The following TSFM variants were observed in gnomAD, a reference collection of about 807,000 sequenced individuals.
TSFM encodes elongation factor Ts, mitochondrial.
A neutral mutation model predicts 33.4 loss-of-function variants in TSFM; 29 were observed. The observed-to-expected ratio is 0.87, with a 90% CI of 0.65 to 1.18. The LOEUF (loss-of-function observed/expected upper bound fraction) is 1.18, where lower values mean the gene tolerates loss of function less well. Ranked by LOEUF, TSFM falls within the 50% of genes most tolerant of loss-of-function variation. The pLI is 0.00. For missense variants in TSFM, 394 were observed against 395.6 expected (o/e 1.00, Z 0.04); for synonymous variants, 178 against 163.5 (o/e 1.09, Z -0.68).
chr12:57,792,259 C>T (rs947370944), intron 4 of TSFM, among the ~76,000 whole-genome samples: 2 of 133,988 alleles, frequency 1.5e-5, no homozygotes. Context: ...AAAGAAAAAA[C>T]TGTTCTTGGC....
chr12:57,794,075 A>T (rs1955699345), intron 5 of TSFM, among the ~76,000 whole-genome samples: 1 of 152,188 alleles, frequency 6.6e-6, no homozygotes, highest in Non-Finnish European at 1.5e-5. Context: ...CAGTCAAGGC[A>T]TCAGTTCCGT....
intron 5 of TSFM, among the ~76,000 whole-genome samples, chr12:57,793,507 C>G (rs1457698408): frequency 1.3e-5 from 2 of 152,226 alleles, no homozygotes; most frequent in Non-Finnish European, 2.9e-5. Flanking sequence ...CAGGCGTGAG[C>G]CACCGCGCCC....
rs776948504 is a variant in TSFM, at chr12:57,782,865, A to G, written c.57+7A>G. 9.4e-6 allele frequency: 15 copies of G among 1,591,262 alleles called. No homozygotes were observed. In the South Asian group the frequency reaches 1.7e-4, roughly 18 times the overall value. ...GCGGACCGGGAGCTACCCGGTGAGA[A>G]GTCCTGGTGCTGGTACCGACCTGCT... On this transcript the variant is annotated splice_region_variant and intron_variant, in intron 1 of 5. Transcript: ENST00000652027.
chr12:57,797,998 AAG>A, downstream of TSFM: 11 of 1,590,578 alleles, frequency 6.9e-6, no homozygotes, highest in Non-Finnish European at 9.4e-6. Flanking sequence ...AGGTAATTCT[AAG>A]AGAGAAAACA....
intron 2 of TSFM, among the ~76,000 whole-genome samples, chr12:57,785,164 G>C (rs1296591368): frequency 6.6e-6 from 1 of 152,038 alleles, no homozygotes; most frequent in Non-Finnish European, 1.5e-5. Context: ...CTGACCTTGT[G>C]ATCCGCCCAC....
intron 4 of TSFM, among the ~76,000 whole-genome samples, chr12:57,790,850 G>A (rs1191764422): frequency 1.3e-5 from 2 of 151,226 alleles, no homozygotes; most frequent in East Asian, 3.9e-4. Context: ...CAGCACTTCG[G>A]GGTTTTTTGT....
intron 3 of TSFM, 126 bp downstream of exon 3, chr12:57,786,417 T>A: frequency 8.2e-7 from 1 of 1,220,536 alleles, no homozygotes. Context: ...GTAGTTGAAG[T>A]TAAACTCATG....
In TSFM at chr12:57,792,750, G is replaced by A. The variant is rs117470861; in HGVS notation, c.484-236G>A. On this transcript the variant is annotated intron_variant, in intron 4 of 5. Transcript: ENST00000652027. Reference sequence around the variant, plus strand: ...TGGGATTACAGGCGTGTGCCACCATGCCCAACTAATTTTTGTATTTCGTTG... The same window carrying A: ...TGGGATTACAGGCGTGTGCCACCATACCCAACTAATTTTTGTATTTCGTTG... 0.049 allele frequency among the ~76,000 whole-genome samples: 7,505 copies of A among 152,186 alleles called. 237 individuals are homozygous for A. The highest frequency in any genetic ancestry group is 0.087 in the African/African-American group (3,606 of 41,512).
chr12:57,793,501 C>A (rs113936163), intron 5 of TSFM, among the ~76,000 whole-genome samples: 2 of 152,192 alleles, frequency 1.3e-5, no homozygotes, highest in African/African-American at 4.8e-5. Context: ...GGATTACAGG[C>A]GTGAGCCACC....
chr12:57,786,251 T>C lies in TSFM; in HGVS notation c.320T>C (p.Ile107Thr), dbSNP rs758156753. 6.2e-7 allele frequency: 1 copy of C among 1,612,346 alleles called. No individual in the cohort carries two copies. The highest frequency in any genetic ancestry group is 1.7e-5 in the Admixed American group (1 of 59,782). ...LQGRKTKEGL[I>T]GLLQEGNTTV... ...GGGAGGAAGACCAAAGAAGGCCTGA[T>C]TGGGCTGTTGCAGGAAGGAAACACA... Residue 107 changes from isoleucine to threonine, a missense_variant, in exon 3 of 6, where the codon ATT becomes ACT. Coordinates refer to ENST00000652027, the MANE Select transcript of TSFM (RefSeq NM_005726.6).
intron 5 of TSFM, among the ~76,000 whole-genome samples, chr12:57,794,730 C>T (rs1955707721): frequency 6.6e-6 from 1 of 152,144 alleles, no homozygotes; most frequent in Non-Finnish European, 1.5e-5. Flanking sequence ...CATTTGAGTG[C>T]TATGTGCCAG....
intron 4 of TSFM, among the ~76,000 whole-genome samples, chr12:57,792,720 G>A (rs2140423990): frequency 6.6e-6 from 1 of 152,110 alleles, no homozygotes; most frequent in Admixed American, 6.6e-5. Flanking sequence ...AGGCTCCCCA[G>A]TAGCTGGGAT....
intron 4 of TSFM, among the ~76,000 whole-genome samples, chr12:57,787,885 C>T (rs905359575): frequency 6.6e-5 from 10 of 151,912 alleles, no homozygotes; most frequent in African/African-American, 2.4e-4. Context: ...CGTTGTACTC[C>T]CCCCGGGCAA....
downstream of TSFM, chr12:57,802,309 T>C (rs751523483): frequency 3.7e-6 from 6 of 1,613,692 alleles, no homozygotes; most frequent in Middle Eastern, 1.6e-4. Flanking sequence ...GCACTCTCCT[T>C]CTCCGTGGCA....
At chr12:57,802,406 G>C, downstream of TSFM, 1 of 1,518,200 alleles carries the variant, frequency 6.6e-7, no homozygotes, top group South Asian at 1.2e-5. Flanking sequence ...CTAAGTACTA[G>C]ATCATACACA....
downstream of TSFM, chr12:57,800,024 C>G (rs1955815520): frequency 1.8e-5 from 26 of 1,421,124 alleles, no homozygotes; most frequent in South Asian, 3.3e-4. Flanking sequence ...TATGCCACTT[C>G]ACCCTCTGTA....
intron 4 of TSFM, 63 bp from the exon 5 acceptor site, chr12:57,792,923 C>T (rs976809676): frequency 2.6e-6 from 4 of 1,521,758 alleles, no homozygotes; most frequent in African/African-American, 1.4e-5. Context: ...CTATTTTTGC[C>T]TATTCTTTTG....
chr12:57,792,928 C>T (rs922484680), intron 4 of TSFM, 58 bp from the exon 5 acceptor site: 27 of 1,545,050 alleles, frequency 1.7e-5, no homozygotes, highest in Non-Finnish European at 2.3e-5. Context: ...TTTGCCTATT[C>T]TTTTGATAAT....
chr12:57,802,126 A>G, downstream of TSFM: 1 of 1,608,202 alleles, frequency 6.2e-7, no homozygotes, highest in Non-Finnish European at 8.5e-7. Flanking sequence ...GCTACCTGGC[A>G]GGAAGTTAGA....
Sources: gnomAD v4.1 joint callset for allele counts (sites outside exome capture counted in the v4.1 genomes callset) on GRCh38, gnomAD v4.1.1 for gene constraint, MANE v1.5 for transcripts, NCBI Gene and HGNC (gene_info 2026-07-23, HGNC 2026-07-21) for gene names.